WSCD2: variants seen among roughly 807,000 people sequenced by gnomAD.
WSCD2 encodes sialate:O-sulfotransferase 2.
In WSCD2, 28 loss-of-function variants were observed where a neutral mutation model predicts 55.7. That is an observed-to-expected ratio of 0.50 (90% confidence interval 0.37 to 0.69). WSCD2 has a LOEUF of 0.69. WSCD2 is among the 30% of genes least tolerant of loss of function. The pLI, the probability that WSCD2 is intolerant of heterozygous loss-of-function variation, is 0.00. For missense variants in WSCD2, 616 were observed against 762.1 expected (o/e 0.81, Z 2.26); for synonymous variants, 301 against 301.9 (o/e 1.00, Z 0.03).
chr12:108,218,175 C>A (rs1330738440), intron 4 of WSCD2, among the ~76,000 whole-genome samples: 1 of 152,182 alleles, frequency 6.6e-6, no homozygotes. Flanking sequence ...GAGATGAGAA[C>A]ATTAAGACTC....
intron 7 of WSCD2, among the ~76,000 whole-genome samples, chr12:108,235,325 G>T (rs75302398): frequency 0.031 from 4,701 of 152,218 alleles, 237 homozygotes; most frequent in African/African-American, 0.11. Context: ...AGGCAAAGGG[G>T]GTTGGTCTCT....
rs1429943032 is a variant in WSCD2 at position 108,210,892 on chromosome 12, T to C, written c.682+587T>C. Among the ~76,000 whole-genome samples, 1 of 152,192 alleles carries C rather than the reference T, an allele frequency of 6.6e-6. No individual in the cohort carries two copies. Among genetic ancestry groups the C allele is most frequent in the Non-Finnish European group, 1.5e-5 (1 of 68,030 alleles). On this transcript the variant is annotated intron_variant, in intron 4 of 8. Coordinates refer to ENST00000547525, the MANE Select transcript of WSCD2 (RefSeq NM_014653.4). The surrounding 1 kb of genome is among the most constrained non-coding windows in gnomAD (Gnocchi z 4.3). The stretch of plus-strand genomic sequence containing the variant: ...ATCCTGGCTTTTTCAAGCTTCTGGT[T>C]TGAGTCTTGTTGGAAAATCTCTCTG...
At position 108,179,530 on chromosome 12, in the gene WSCD2, G is replaced by C. The variant is rs1881389380; in HGVS notation, c.-551-15752G>C. Among the ~76,000 whole-genome samples the C allele has an allele frequency of 2.0e-5, 3 of 152,364 alleles. No homozygotes were observed. In the South Asian group the frequency reaches 6.2e-4, roughly 32 times the overall value. On this transcript the variant is annotated intron_variant, in intron 1 of 8. Coordinates refer to ENST00000547525, the MANE Select transcript of WSCD2 (RefSeq NM_014653.4). ...AGGAGACTTTAAAGACCAGCTTGCT[G>C]TGTGAGGCCTCCCTTCTCTCTGGTG...
chr12:108,156,040 T>C (rs1029505671), intron 1 of WSCD2, among the ~76,000 whole-genome samples: 2 of 152,208 alleles, frequency 1.3e-5, no homozygotes, highest in Admixed American at 1.3e-4. Flanking sequence ...AAATGTAATA[T>C]TTTGAAAGTG....
At chr12:108,156,742 A>G (rs1292578800) in intron 1 of WSCD2, among the ~76,000 whole-genome samples, 10 of 152,218 alleles carry the variant, frequency 6.6e-5, no homozygotes, top group Admixed American at 6.5e-4. Context: ...AGTTGTAGAA[A>G]AACTCTGATT....
chr12:108,160,268 AC>A (rs1325046046), intron 1 of WSCD2, among the ~76,000 whole-genome samples: 2 of 152,090 alleles, frequency 1.3e-5, no homozygotes, highest in African/African-American at 4.8e-5. Context: ...TTTAAATCCC[AC>A]CTTAGTTACT....
At chr12:108,221,156 G>A (rs893587159) in intron 4 of WSCD2, among the ~76,000 whole-genome samples, 17 of 152,122 alleles carry the variant, frequency 1.1e-4, no homozygotes, top group Admixed American at 4.6e-4. Context: ...CTGGTTGCCC[G>A]GTGACCTGAG....
intron 1 of WSCD2, among the ~76,000 whole-genome samples, chr12:108,188,026 G>A (rs567305546): frequency 2.0e-5 from 3 of 152,146 alleles, no homozygotes; most frequent in East Asian, 1.9e-4. Context: ...TATTTATAAC[G>A]GACACCATAT....
At chr12:108,247,064 G>A (rs1452627128) in intron 8 of WSCD2, among the ~76,000 whole-genome samples, 1 of 152,102 alleles carries the variant, frequency 6.6e-6, no homozygotes, top group African/African-American at 2.4e-5. Flanking sequence ...ATCCTGTGAG[G>A]AGATACCACT....
chr12:108,154,264 T>C (rs748887019), intron 1 of WSCD2, among the ~76,000 whole-genome samples: 6 of 152,218 alleles, frequency 3.9e-5, no homozygotes, highest in Non-Finnish European at 8.8e-5. Flanking sequence ...TCTCACCAGG[T>C]TGGCATGACT....
At chr12:108,149,455 CA>C (rs1376803531) in intron 1 of WSCD2, among the ~76,000 whole-genome samples, 4 of 152,240 alleles carry the variant, frequency 2.6e-5, no homozygotes, top group Non-Finnish European at 5.9e-5. Flanking sequence ...GTAGGCCTGT[CA>C]GAAGCTTTCA....
intron 1 of WSCD2, among the ~76,000 whole-genome samples, chr12:108,183,293 A>C (rs1882039547): frequency 6.6e-6 from 1 of 152,192 alleles, no homozygotes; most frequent in African/African-American, 2.4e-5. Flanking sequence ...GGCAGGTCCC[A>C]TGGTGTCTGC....
At chr12:108,147,417 T>G in intron 1 of WSCD2, among the ~76,000 whole-genome samples, 1 of 151,782 alleles carries the variant, frequency 6.6e-6, no homozygotes, top group Non-Finnish European at 1.5e-5. Flanking sequence ...GGCTTAGAGG[T>G]TAGAGAAGGG....
chr12:108,131,088 T>A (rs1875459595), intron 1 of WSCD2, among the ~76,000 whole-genome samples: 1 of 152,122 alleles, frequency 6.6e-6, no homozygotes, highest in African/African-American at 2.4e-5. Context: ...GGGATTCCGA[T>A]CTCAGGCCAA....
chr12:108,179,950 G>A (rs1436419477), intron 1 of WSCD2, among the ~76,000 whole-genome samples: 2 of 151,520 alleles, frequency 1.3e-5, no homozygotes. Flanking sequence ...GGCTGAGGCA[G>A]GAGAATCTCT....
intron 2 of WSCD2, among the ~76,000 whole-genome samples, chr12:108,204,103 G>A (rs866549885): frequency 6.6e-6 from 1 of 152,288 alleles, no homozygotes; most frequent in Middle Eastern, 3.4e-3. Flanking sequence ...CTCTAAAATG[G>A]GTTCATAAGA....
intron 3 of WSCD2, among the ~76,000 whole-genome samples, chr12:108,207,939 T>C (rs11113773): frequency 0.13 from 19,904 of 152,136 alleles, 1,677 homozygotes; most frequent in Middle Eastern, 0.18. Context: ...CAGAGAGGGA[T>C]AACATAGTCA....
chr12:108,131,503 C>T (rs912430297), intron 1 of WSCD2, among the ~76,000 whole-genome samples: 3 of 152,204 alleles, frequency 2.0e-5, no homozygotes, highest in South Asian at 4.1e-4. Flanking sequence ...ACAGTTCCTA[C>T]TTTACAGGGC....
chr12:108,237,182 G>T (rs1337213778), intron 7 of WSCD2, among the ~76,000 whole-genome samples: 2 of 152,228 alleles, frequency 1.3e-5, no homozygotes, highest in African/African-American at 4.8e-5. Flanking sequence ...ATGCAGAGAT[G>T]TGCAGTATCT....
Sources: gnomAD v4.1 joint callset for allele counts (sites outside exome capture counted in the v4.1 genomes callset) on GRCh38, gnomAD v4.1.1 for gene constraint, Gnocchi (gnomAD v3.1) non-coding constraint, MANE v1.5 for transcripts, NCBI Gene and HGNC (gene_info 2026-07-23, HGNC 2026-07-21) for gene names.